ASIC2: variants seen among roughly 807,000 people sequenced by gnomAD.
ASIC2 encodes the protein acid sensing ion channel subunit 2.
Under a neutral mutation model 57.3 loss-of-function variants are expected in ASIC2, and 25 were observed. The observed-to-expected ratio is 0.44, with a 90% confidence interval of 0.32 to 0.61. ASIC2 has a LOEUF of 0.61. Among genes scored for constraint, ASIC2 ranks in the 20% least tolerant of loss-of-function variants. ASIC2 has a pLI of 0.06. For synonymous variants in ASIC2, 319 were observed against 307.5 expected, an observed-to-expected ratio of 1.04 and a Z score of -0.39; for missense variants, 641 against 738.1, an observed-to-expected ratio of 0.87 and a Z score of 1.52.
intron 1 of ASIC2, among the ~76,000 whole-genome samples, chr17:33,151,585 T>C (rs1904802745): frequency 6.6e-6 from 1 of 152,212 alleles, no homozygotes; most frequent in East Asian, 1.9e-4. Flanking sequence ...TTAAGGGGTG[T>C]TTAGGTCACA....
chr17:33,840,025 G>T (rs317383), intron 1 of ASIC2, among the ~76,000 whole-genome samples: 2,349 of 152,316 alleles, frequency 0.015, 107 homozygotes, highest in Admixed American at 0.093. Flanking sequence ...CAGTGAGCAT[G>T]CTGATATGCT....
chr17:33,406,743 T>G (rs4635386), intron 1 of ASIC2, among the ~76,000 whole-genome samples: 50,098 of 152,106 alleles, frequency 0.33, 8,977 homozygotes, highest in African/African-American at 0.47. Flanking sequence ...GGAGTACTTA[T>G]TAAGACCATG....
chr17:33,694,196 C>T (rs1035759051), intron 1 of ASIC2, among the ~76,000 whole-genome samples: 1 of 152,122 alleles, frequency 6.6e-6, no homozygotes, highest in African/African-American at 2.4e-5. Context: ...CCAGCCAAGG[C>T]CATGGGGTTT....
intron 1 of ASIC2, among the ~76,000 whole-genome samples, chr17:33,696,081 G>A (rs77439074): frequency 6.6e-6 from 1 of 152,096 alleles, no homozygotes; most frequent in Non-Finnish European, 1.5e-5. Context: ...AATCAGTGTG[G>A]CAGTGAATAT....
chr17:33,100,622 A>G (rs1422705165), intron 2 of ASIC2, among the ~76,000 whole-genome samples: 1 of 152,178 alleles, frequency 6.6e-6, no homozygotes, highest in Admixed American at 6.5e-5. Context: ...GACACTTTAT[A>G]TGAAAGTTGT....
chr17:33,130,701 A>G (rs1014045752), intron 1 of ASIC2, among the ~76,000 whole-genome samples: 1 of 151,936 alleles, frequency 6.6e-6, no homozygotes, highest in African/African-American at 2.4e-5. Flanking sequence ...GGAGGGGGGG[A>G]CTTGGCTGGA....
At chr17:33,923,717 T>A (rs1240506017) in intron 1 of ASIC2, among the ~76,000 whole-genome samples, 2 of 152,188 alleles carry the variant, frequency 1.3e-5, no homozygotes, top group African/African-American at 4.8e-5. Context: ...CTCTGGAAAG[T>A]GTTTGATATG....
intron 3 of ASIC2, among the ~76,000 whole-genome samples, chr17:33,074,382 G>T (rs2092081250): frequency 6.6e-6 from 1 of 152,070 alleles, no homozygotes. Flanking sequence ...GCCTTTTTTG[G>T]AGGTGCTGTG....
At chr17:33,136,354 C>T (rs1029800408) in intron 1 of ASIC2, among the ~76,000 whole-genome samples, 9 of 152,160 alleles carry the variant, frequency 5.9e-5, no homozygotes, top group Non-Finnish European at 1.0e-4. Context: ...AAAATACACA[C>T]AATAAAACAA....
chr17:33,473,284 A>G (rs1913113857), intron 1 of ASIC2, among the ~76,000 whole-genome samples: 1 of 152,254 alleles, frequency 6.6e-6, no homozygotes, highest in Non-Finnish European at 1.5e-5. Context: ...TCCAAGCACT[A>G]AATCCACCTA....
chr17:33,873,299 G>A (rs1597911090), intron 1 of ASIC2, among the ~76,000 whole-genome samples: 2 of 152,202 alleles, frequency 1.3e-5, no homozygotes, highest in African/African-American at 4.8e-5. Flanking sequence ...CGTAAGCCAT[G>A]AACACACAAA....
At chr17:33,672,271 C>G (rs1343294102) in intron 1 of ASIC2, among the ~76,000 whole-genome samples, 1 of 152,170 alleles carries the variant, frequency 6.6e-6, no homozygotes, top group Admixed American at 6.5e-5. Flanking sequence ...AGGAAGGAGA[C>G]ATGTGGCTGC....
chr17:33,614,321 C>T (rs1905523836), intron 1 of ASIC2, among the ~76,000 whole-genome samples: 1 of 152,222 alleles, frequency 6.6e-6, no homozygotes, highest in Non-Finnish European at 1.5e-5. Context: ...CCCCGTCAGA[C>T]TACCCATTGG....
At chr17:33,401,020 C>T (rs1399979571) in intron 1 of ASIC2, among the ~76,000 whole-genome samples, 5 of 152,150 alleles carry the variant, frequency 3.3e-5, no homozygotes, top group South Asian at 2.1e-4. Flanking sequence ...GCCATATCGT[C>T]GTCACTCAGG....
In ASIC2 at chr17:33,292,997, C is replaced by T. The variant is rs1396414243; in HGVS notation, c.-882G>A. 1.0e-6 allele frequency: 1 copy of T among 985,460 alleles called. No individual in the cohort carries two copies. Among genetic ancestry groups the T allele is most frequent in the Non-Finnish European group, 1.2e-6 (1 of 830,034 alleles). 61.0% of individuals were successfully genotyped at this position (985,460 alleles called of 1,614,324 possible). A position where few individuals can be genotyped will look rare whatever the true frequency, so the allele number is the denominator to read the frequency against. Reference sequence around the variant, plus strand: ...CTCGGCTCTCCCAGGTGCCTCGCGTCTCCAGAAAAGCCCAGCCTTGCTGTC... The same window carrying T: ...CTCGGCTCTCCCAGGTGCCTCGCGTTTCCAGAAAAGCCCAGCCTTGCTGTC... On this transcript the variant is annotated 5_prime_UTR_variant, in exon 1 of 10. Transcript: ENST00000225823.
At chr17:34,015,047 G>A (rs192309030) in intron 1 of ASIC2, among the ~76,000 whole-genome samples, 9 of 148,384 alleles carry the variant, frequency 6.1e-5, no homozygotes, top group East Asian at 2.0e-4. Context: ...ACCACACTTC[G>A]CTAATTTTTC....
At chr17:33,540,394 G>A (rs1411192614) in intron 1 of ASIC2, among the ~76,000 whole-genome samples, 1 of 151,998 alleles carries the variant, frequency 6.6e-6, no homozygotes, top group Non-Finnish European at 1.5e-5. Context: ...TAGGAGTTAG[G>A]ACTTCAATAT....
At chr17:33,378,000 T>A (rs1443614834) in intron 1 of ASIC2, among the ~76,000 whole-genome samples, 1 of 152,208 alleles carries the variant, frequency 6.6e-6, no homozygotes, top group Non-Finnish European at 1.5e-5. Flanking sequence ...AGGTCCCTTC[T>A]CACCACGACT....
chr17:33,621,930 T>A (rs1053325804), intron 1 of ASIC2, among the ~76,000 whole-genome samples: 4 of 152,120 alleles, frequency 2.6e-5, no homozygotes, highest in African/African-American at 9.7e-5. Flanking sequence ...ACCTTGCGGT[T>A]ATTGTGACTA....
Sources: gnomAD v4.1 joint callset for allele counts (sites outside exome capture counted in the v4.1 genomes callset) on GRCh38, gnomAD v4.1.1 for gene constraint, MANE v1.5 for transcripts, NCBI Gene and HGNC (gene_info 2026-07-23, HGNC 2026-07-21) for gene names.